The following ASPRV1 variants were observed in gnomAD, a reference collection of about 807,000 sequenced individuals.
ASPRV1 encodes the protein aspartic peptidase retroviral like 1.
A neutral mutation model predicts 11.0 loss-of-function variants in ASPRV1; 7 were observed. The observed-to-expected ratio is 0.64, with a 90% CI of 0.36 to 1.20. The LOEUF (loss-of-function observed/expected upper bound fraction) is 1.20. ASPRV1 is among the 50% of genes most tolerant of loss of function. The probability of loss-of-function intolerance (pLI) is 0.02; values close to 1 mark genes in which losing one functional copy is unlikely to be tolerated. For synonymous variants in ASPRV1, 136 were observed against 138.4 expected, an observed-to-expected ratio of 0.98 and a Z score of 0.12; for missense variants, 299 against 320.0, an observed-to-expected ratio of 0.93 and a Z score of 0.50.
At chr2:69,938,399 C>T in the ASPRV1 span, 28 of 1,059,088 alleles carry the variant, frequency 2.6e-5, no homozygotes, top group Admixed American at 5.4e-4. Context: ...CCCACCTTGA[C>T]CAAAATCAGC....
At chr2:69,998,151 A>AG in the ASPRV1 span, 1 of 151,758 alleles carries the variant, frequency 6.6e-6, no homozygotes, top group Non-Finnish European at 1.5e-5. Context: ...AAAAAAAAAA[A>AG]GCAGTGTGGG....
chr2:69,955,073 G>T, the ASPRV1 span, among the ~76,000 whole-genome samples: 1 of 152,200 alleles, frequency 6.6e-6, no homozygotes, highest in Non-Finnish European at 1.5e-5. Context: ...TTGCTACCCA[G>T]CCAAGAGGCT....
At chr2:69,991,224 C>A in the ASPRV1 span, among the ~76,000 whole-genome samples, 1 of 152,160 alleles carries the variant, frequency 6.6e-6, no homozygotes, top group Non-Finnish European at 1.5e-5. Context: ...GCCCAAGAAG[C>A]GGGGATGGAG....
the ASPRV1 span, among the ~76,000 whole-genome samples, chr2:70,084,432 G>A: frequency 6.6e-6 from 1 of 152,098 alleles, no homozygotes; most frequent in Non-Finnish European, 1.5e-5. Flanking sequence ...GGAGTCTCTG[G>A]ACTCAGATTG....
At chr2:69,996,896 G>C in the ASPRV1 span, 1 of 305,738 alleles carries the variant, frequency 3.3e-6, no homozygotes, top group South Asian at 2.6e-5. Flanking sequence ...GACCTGTAAA[G>C]AAAGAAAATG....
the ASPRV1 span, among the ~76,000 whole-genome samples, chr2:70,047,879 G>A: frequency 0.15 from 23,085 of 152,044 alleles, 2,718 homozygotes; most frequent in East Asian, 0.3. Flanking sequence ...GGGAGGCTAA[G>A]GCAGGTGGAT....
At chr2:70,040,727 G>A in the ASPRV1 span, among the ~76,000 whole-genome samples, 4 of 152,006 alleles carry the variant, frequency 2.6e-5, no homozygotes, top group East Asian at 1.9e-4. Context: ...TGACCTACTC[G>A]GGAGGCTGAG....
At chr2:69,950,273 C>T in the ASPRV1 span, among the ~76,000 whole-genome samples, 1 of 152,340 alleles carries the variant, frequency 6.6e-6, no homozygotes, top group African/African-American at 2.4e-5. Flanking sequence ...CTTTTTAGCC[C>T]TGAAGGACAC....
the ASPRV1 span, chr2:70,045,154 A>G: frequency 6.6e-6 from 1 of 152,114 alleles, no homozygotes; most frequent in Admixed American, 6.6e-5. Flanking sequence ...GCATCTCATC[A>G]CCCTTCTTTC....
At chr2:70,033,509 C>G in the ASPRV1 span, among the ~76,000 whole-genome samples, 1 of 152,258 alleles carries the variant, frequency 6.6e-6, no homozygotes, top group South Asian at 2.1e-4. Flanking sequence ...TCCCTTTTCT[C>G]TGACTTCCAA....
chr2:70,057,600 T>TC, the ASPRV1 span, among the ~76,000 whole-genome samples: 1 of 151,958 alleles, frequency 6.6e-6, no homozygotes, highest in South Asian at 2.1e-4. Flanking sequence ...TGCTTCAGCC[T>TC]CCCAAGTAGC....
At chr2:70,056,625 A>AAAAG in the ASPRV1 span, 92 of 145,164 alleles carry the variant, frequency 6.3e-4, no homozygotes, top group East Asian at 4.2e-3. Context: ...AAAAAAAAAA[A>AAAAG]GTGGTTAAAA....
the ASPRV1 span, chr2:70,056,573 C>G: frequency 3.9e-5 from 5 of 127,014 alleles, no homozygotes; most frequent in Admixed American, 1.9e-4. Context: ...CCACTTCACT[C>G]CAGCCTGGGC....
chr2:70,009,058 C>G, the ASPRV1 span, among the ~76,000 whole-genome samples: 1 of 151,936 alleles, frequency 6.6e-6, no homozygotes, highest in South Asian at 2.1e-4. Context: ...AATGTGAGGG[C>G]AGAAAAAGAG....
chr2:69,979,465 G>A, the ASPRV1 span, among the ~76,000 whole-genome samples: 1 of 152,200 alleles, frequency 6.6e-6, no homozygotes, highest in Non-Finnish European at 1.5e-5. Context: ...ACAGAGAGGG[G>A]AGGAGGAACT....
the ASPRV1 span, among the ~76,000 whole-genome samples, chr2:70,017,616 G>C: frequency 6.6e-6 from 1 of 152,126 alleles, no homozygotes; most frequent in Non-Finnish European, 1.5e-5. Flanking sequence ...TTGATGACAT[G>C]ATCTTTAGAT....
At chr2:70,038,193 T>C in the ASPRV1 span, among the ~76,000 whole-genome samples, 2 of 152,150 alleles carry the variant, frequency 1.3e-5, no homozygotes, top group Admixed American at 1.3e-4. Flanking sequence ...CTTCAAAAGA[T>C]GGAAGATAAT....
the ASPRV1 span, among the ~76,000 whole-genome samples, chr2:70,028,987 C>T: frequency 6.3e-3 from 962 of 152,158 alleles, 10 homozygotes; most frequent in African/African-American, 0.022. Context: ...AAATATCAAC[C>T]CTGGCACCTA....
At chr2:69,986,133 CCCA>C in the ASPRV1 span, among the ~76,000 whole-genome samples, 1 of 152,166 alleles carries the variant, frequency 6.6e-6, no homozygotes, top group Non-Finnish European at 1.5e-5. Flanking sequence ...CACAGATGTG[CCCA>C]TCCATATATG....
Sources: allele counts gnomAD v4.1 joint callset (sites outside exome capture counted in the v4.1 genomes callset), GRCh38; gene constraint gnomAD v4.1.1; transcripts MANE v1.5; gene names NCBI Gene and HGNC (gene_info 2026-07-23, HGNC 2026-07-21).